FAM118B: variants seen among roughly 807,000 people sequenced by gnomAD.
FAM118B encodes protein FAM118B.
A neutral mutation model predicts 38.5 loss-of-function variants in FAM118B; 24 were observed. That is an observed-to-expected ratio of 0.62 (90% CI 0.45 to 0.88). The LOEUF (loss-of-function observed/expected upper bound fraction) is 0.88. Ranked by LOEUF, FAM118B falls within the 40% of genes least tolerant of loss-of-function variation. The pLI is 0.00. For missense variants in FAM118B, 334 were observed against 420.0 expected (o/e 0.80, Z 1.79); for synonymous variants, 138 against 156.3 (o/e 0.88, Z 0.87).
chr11:126,238,223 G>A (rs1013083530), intron 3 of FAM118B, among the ~76,000 whole-genome samples: 2 of 152,096 alleles, frequency 1.3e-5, no homozygotes, highest in Non-Finnish European at 2.9e-5. Context: ...TTGGCTGGGT[G>A]TGGTGGCACG....
intron 3 of FAM118B, among the ~76,000 whole-genome samples, chr11:126,235,652 G>C (rs1199998058): frequency 6.6e-6 from 1 of 152,132 alleles, no homozygotes; most frequent in East Asian, 1.9e-4. Flanking sequence ...CTGAGTAGCT[G>C]AGATCACAGG....
Position 126,254,394 on chromosome 11 carries a change from G to A in FAM118B, c.657G>A (p.Pro219=), listed in dbSNP as rs36120568. The part of the protein sequence containing the change: ...YTNPSGIVLH[P]AGYQNVLRNT... ...ACCCTAGTGGCATTGTCCTTCATCC[G>A]GCTGGATATCAGAACGTGCTCAGGA... is the stretch of plus-strand genomic sequence containing the variant. The change falls in exon 6 of 9, where the codon CCG becomes CCA. Residue 219 remains proline, a synonymous_variant. Transcript: ENST00000533050. 30,319 of 1,614,156 alleles carry A rather than the reference G, an allele frequency of 0.019. 352 individuals are homozygous for A. Among genetic ancestry groups the A allele is most frequent in the Non-Finnish European group, 0.022 (26,010 of 1,180,010 alleles).
intron 3 of FAM118B, 26 bp downstream of exon 3, chr11:126,235,113 A>C (rs759202822): frequency 3.1e-6 from 5 of 1,601,968 alleles, no homozygotes; most frequent in Non-Finnish European, 4.3e-6. Context: ...GAATCAGCAG[A>C]GTAAATTACC....
In FAM118B at chr11:126,261,460, T is replaced by A. The variant is rs2135228496; in HGVS notation, c.1018T>A (p.Ser340Thr). The A allele has an allele frequency of 2.5e-6, 4 of 1,613,980 alleles. No individual in the cohort carries two copies. The highest frequency in any genetic ancestry group is 4.5e-5 in the East Asian group (2 of 44,878). The change falls in exon 8 of 9, where the codon TCT becomes ACT. Residue 340 changes from serine (S) to threonine (T), a missense_variant. Ser to Thr is a moderately conservative substitution (Grantham distance 58, BLOSUM62 1). Around this residue, in one of 3 missense-constraint regions of FAM118B, gnomAD observed 88 missense variants for 98.1 expected, o/e 0.90. Transcript: ENST00000533050. ...MVREGQLNGS[S>T]AAHSEIRGCS... ...GAGAGAAGGTCAGCTAAATGGCTCA[T>A]CTGCAGCACACAGTGAAATAAGAGG...
chr11:126,254,459 T>C, intron 6 of FAM118B, 26 bp downstream of exon 6: 4 of 1,611,792 alleles, frequency 2.5e-6, no homozygotes, highest in Non-Finnish European at 3.4e-6. Context: ...CTTGCTGGTC[T>C]CAGGAACTCC....
chr11:126,237,183 A>G (rs1312561669), intron 3 of FAM118B, among the ~76,000 whole-genome samples: 1 of 133,882 alleles, frequency 7.5e-6, no homozygotes, highest in Non-Finnish European at 1.6e-5. Flanking sequence ...CCTAAAGTGC[A>G]GGGATTACAG....
rs748259377 is a variant in FAM118B at position 126,255,548 on chromosome 11, C to T, written c.697-1019C>T. ...TCAAACGCCTTTCCTTGAGCAAATC[C>T]GATGATGGAATTATCTTCTCTGGTG... On this transcript the variant is annotated intron_variant, in intron 6 of 8. Transcript: ENST00000533050. The surrounding 1 kb of genome is among the most constrained non-coding windows in gnomAD (Gnocchi z 4.6). Among the ~76,000 whole-genome samples, 14 of 152,046 alleles carry T rather than the reference C, an allele frequency of 9.2e-5. No individual in the cohort carries two copies. The highest frequency in any genetic ancestry group is 1.3e-4 in the Non-Finnish European group (9 of 68,026).
Position 126,255,801 on chromosome 11 carries a change from A to G in FAM118B, c.697-766A>G, listed in dbSNP as rs985775728. The stretch of plus-strand genomic sequence containing the variant: ...AACCCTGTCTCTACTAAAAATAGGA[A>G]AATTAGCTGGGCGTGCTGGCAGGTG... On this transcript the variant is annotated intron_variant, in intron 6 of 8. Transcript: ENST00000533050. This position sits in a 1 kb window ranked among gnomAD's most constrained non-coding sequence, Gnocchi z 4.6. 2.0e-5 allele frequency among the ~76,000 whole-genome samples: 3 copies of G among 151,558 alleles called. No homozygotes were observed. Among genetic ancestry groups the G allele is most frequent in the African/African-American group, 2.4e-5 (1 of 41,216 alleles).
chr11:126,254,793 C>T (rs1950551144), intron 6 of FAM118B, among the ~76,000 whole-genome samples: 2 of 152,186 alleles, frequency 1.3e-5, no homozygotes, highest in South Asian at 4.1e-4. Flanking sequence ...AGCCACTGCA[C>T]TCCAGCTTGG....
intron 1 of FAM118B, among the ~76,000 whole-genome samples, chr11:126,217,365 A>G (rs997882250): frequency 1.3e-5 from 2 of 152,084 alleles, no homozygotes; most frequent in Non-Finnish European, 1.5e-5. Context: ...CATGCCCTCT[A>G]TCCCCTAATA....
chr11:126,227,494 T>C (rs1050504556), intron 1 of FAM118B, among the ~76,000 whole-genome samples: 3 of 152,254 alleles, frequency 2.0e-5, no homozygotes, highest in Non-Finnish European at 4.4e-5. Context: ...TACACCTGAA[T>C]GTGAACTCGA....
At position 126,256,819 on chromosome 11, in the gene FAM118B, C is replaced by T; in HGVS notation, c.949C>T (p.Leu317=). The change falls in exon 7 of 9, where the codon CTG becomes TTG. Residue 317 remains leucine, a synonymous_variant. Transcript: ENST00000533050. This position sits in a 1 kb window ranked among gnomAD's most constrained non-coding sequence, Gnocchi z 6.6. ...CGATCTTCCAGAATATTTCAAGCGA[C>T]TGACATGTGAGATCTCCACAAGGGG... is the stretch of plus-strand genomic sequence containing the variant. ...YADLPEYFKR[L]TCEISTRGTS... The T allele has an allele frequency of 6.2e-7, 1 of 1,612,754 alleles. No homozygotes were observed.
chr11:126,262,336 A>T lies in FAM118B; in HGVS notation c.*203A>T. ...TTCTTGATATTCTGCCGCCTGTTCA[A>T]GTTCAAGAATAAAAGCGACAGCAGG... On this transcript the variant is annotated 3_prime_UTR_variant, in exon 9 of 9. Coordinates refer to ENST00000533050, the MANE Select transcript of FAM118B (RefSeq NM_024556.4). 185 of 449,634 alleles carry T rather than the reference A, an allele frequency of 4.1e-4. No individual in the cohort carries two copies. The highest frequency in any genetic ancestry group is 5.5e-4 in the Non-Finnish European group (135 of 244,442). 27.9% of individuals were successfully genotyped at this position (449,634 alleles called of 1,614,324 possible).
intron 1 of FAM118B, among the ~76,000 whole-genome samples, chr11:126,217,378 G>A (rs1019956366): frequency 6.6e-6 from 1 of 152,034 alleles, no homozygotes; most frequent in African/African-American, 2.4e-5. Flanking sequence ...CCCTAATATA[G>A]TTCTATTGTA....
intron 3 of FAM118B, among the ~76,000 whole-genome samples, chr11:126,237,522 GCCACC>G (rs1011704414): frequency 2.1e-5 from 3 of 142,018 alleles, no homozygotes; most frequent in Non-Finnish European, 4.6e-5. Context: ...ACAGGCGTGA[GCCACC>G]CCACCTGGCC....
At chr11:126,232,350 A>T (rs572940939) in intron 2 of FAM118B, among the ~76,000 whole-genome samples, 1 of 152,294 alleles carries the variant, frequency 6.6e-6, no homozygotes, top group South Asian at 2.1e-4. Flanking sequence ...TCTGTGCCTC[A>T]GTTTTCTCAT....
intron 1 of FAM118B, among the ~76,000 whole-genome samples, chr11:126,216,746 C>T (rs1949984197): frequency 1.3e-5 from 2 of 152,194 alleles, no homozygotes; most frequent in African/African-American, 4.8e-5. Context: ...GAAGCATTTC[C>T]TACCACCATA....
intron 2 of FAM118B, among the ~76,000 whole-genome samples, chr11:126,231,671 A>G (rs942398411): frequency 1.3e-5 from 2 of 152,226 alleles, no homozygotes; most frequent in African/African-American, 2.4e-5. Flanking sequence ...TTTTAAAGTA[A>G]TAGTAGTTGG....
In FAM118B at chr11:126,252,653, C is replaced by T. The variant is rs746121320; in HGVS notation, c.568-1652C>T. The stretch of plus-strand genomic sequence containing the variant: ...AGCTACTTGGGAGGCTGAAGCAGGA[C>T]GATCGATTGAGCTGAGGCAGTCGAG... On this transcript the variant is annotated intron_variant, in intron 5 of 8. Transcript: ENST00000533050. The surrounding 1 kb of genome is among the most constrained non-coding windows in gnomAD (Gnocchi z 4.7). 2.0e-5 allele frequency among the ~76,000 whole-genome samples: 3 copies of T among 151,320 alleles called. No individual in the cohort carries two copies. Among genetic ancestry groups the T allele is most frequent in the African/African-American group, 4.9e-5 (2 of 41,146 alleles).
Sources: gnomAD v4.1 joint callset for allele counts (sites outside exome capture counted in the v4.1 genomes callset) on GRCh38, gnomAD v4.1.1 for gene constraint, gnomAD v4.1.1 regional missense constraint, Gnocchi (gnomAD v3.1) non-coding constraint, MANE v1.5 for transcripts, NCBI Gene and HGNC (gene_info 2026-07-23, HGNC 2026-07-21) for gene names.